The following MSI2 variants were observed in gnomAD, a reference collection of about 807,000 sequenced individuals.
The protein encoded by MSI2 is RNA-binding protein Musashi homolog 2.
A neutral mutation model predicts 45.6 loss-of-function variants in MSI2; 17 were observed. The observed-to-expected ratio is 0.37, with a 90% CI of 0.26 to 0.56. MSI2 has a LOEUF of 0.56. Among genes scored for constraint, MSI2 ranks in the 20% least tolerant of loss-of-function variants. MSI2 has a pLI of 0.77. For missense variants in MSI2, 293 were observed against 444.2 expected (o/e 0.66, Z 3.06); for synonymous variants, 156 against 158.2 (o/e 0.99, Z 0.11).
intron 11 of MSI2, among the ~76,000 whole-genome samples, chr17:57,663,779 C>A (rs1912178225): frequency 6.6e-6 from 1 of 152,256 alleles, no homozygotes; most frequent in East Asian, 1.9e-4. Context: ...ATGGAGGTAG[C>A]CCCCAAGACT....
chr17:57,375,356 T>C (rs965509175), intron 5 of MSI2, among the ~76,000 whole-genome samples: 5 of 152,192 alleles, frequency 3.3e-5, no homozygotes, highest in African/African-American at 1.2e-4. Context: ...CTTTGTGGTA[T>C]AGAGCCAGGA....
the MSI2 span, among the ~76,000 whole-genome samples, chr17:57,690,922 C>A: frequency 6.6e-6 from 1 of 152,114 alleles, no homozygotes; most frequent in Admixed American, 6.5e-5. Flanking sequence ...ATTTTGCATG[C>A]GACCTAAGTC....
intron 11 of MSI2, among the ~76,000 whole-genome samples, chr17:57,668,774 C>T (rs1001202980): frequency 3.3e-5 from 5 of 152,216 alleles, no homozygotes; most frequent in Non-Finnish European, 7.3e-5. Flanking sequence ...CATCACATTG[C>T]TCTCTTAATC....
At chr17:57,573,990 T>G (rs533912538) in intron 7 of MSI2, among the ~76,000 whole-genome samples, 1 of 152,216 alleles carries the variant, frequency 6.6e-6, no homozygotes, top group African/African-American at 2.4e-5. Context: ...GACAACCTAA[T>G]AAGAAGGAAA....
chr17:57,665,433 T>C (rs1425046810), intron 11 of MSI2, among the ~76,000 whole-genome samples: 3 of 152,180 alleles, frequency 2.0e-5, no homozygotes, highest in Non-Finnish European at 4.4e-5. Context: ...GGCTAATTAG[T>C]GACATGTATG....
intron 6 of MSI2, among the ~76,000 whole-genome samples, chr17:57,469,949 G>A (rs574360342): frequency 6.6e-6 from 1 of 152,338 alleles, no homozygotes; most frequent in South Asian, 2.1e-4. Flanking sequence ...GTGGACCCCT[G>A]ATGATGCCAT....
At chr17:57,379,483 T>C (rs79908678) in intron 5 of MSI2, among the ~76,000 whole-genome samples, 1 of 144,194 alleles carries the variant, frequency 6.9e-6, no homozygotes, top group Non-Finnish European at 1.5e-5. Flanking sequence ...TCTTTCTTCT[T>C]TTTTTTTTTT....
intron 5 of MSI2, among the ~76,000 whole-genome samples, chr17:57,365,208 C>A (rs1917107580): frequency 6.6e-6 from 1 of 152,180 alleles, no homozygotes; most frequent in Non-Finnish European, 1.5e-5. Flanking sequence ...CTTCATTTTG[C>A]AGATGAGAAA....
intron 5 of MSI2, among the ~76,000 whole-genome samples, chr17:57,334,646 T>G (rs954210189): frequency 2.0e-5 from 3 of 151,866 alleles, no homozygotes; most frequent in Non-Finnish European, 2.9e-5. Context: ...ATACAAAAAT[T>G]AGCCGGGCAT....
intron 5 of MSI2, among the ~76,000 whole-genome samples, chr17:57,386,997 C>CA (rs2083697807): frequency 6.6e-6 from 1 of 152,172 alleles, no homozygotes; most frequent in Admixed American, 6.5e-5. Flanking sequence ...GAGAGAGCCA[C>CA]ACGCCATTTG....
intron 7 of MSI2, among the ~76,000 whole-genome samples, chr17:57,580,504 T>C (rs2088172365): frequency 6.6e-6 from 1 of 152,210 alleles, no homozygotes; most frequent in Non-Finnish European, 1.5e-5. Context: ...CTGTGGCTCT[T>C]CCAGTCCTGG....
chr17:57,534,304 C>G lies in MSI2; in HGVS notation c.454+4580C>G, dbSNP rs140301907. Among the ~76,000 whole-genome samples the G allele has an allele frequency of 1.2e-3, 179 of 152,376 alleles. 2 individuals carry two copies. Among genetic ancestry groups the G allele is most frequent in the Admixed American group, 4.5e-3 (69 of 15,310 alleles). Reference sequence around the variant, plus strand: ...ATTTTCTGTCCTTCTCCACAACAGCCTTCTTGCTGGATGACCGTGCTCCTC... The same window carrying G: ...ATTTTCTGTCCTTCTCCACAACAGCGTTCTTGCTGGATGACCGTGCTCCTC... On this transcript the variant is annotated intron_variant, in intron 7 of 13. Transcript: ENST00000284073.
At chr17:57,410,022 A>AAAAAAAAC (rs1226110048) in intron 6 of MSI2, among the ~76,000 whole-genome samples, 1 of 150,240 alleles carries the variant, frequency 6.7e-6, no homozygotes, top group Non-Finnish European at 1.5e-5. Flanking sequence ...AAAAAAAAAA[A>AAAAAAAAC]AAATGGGGAG....
intron 6 of MSI2, among the ~76,000 whole-genome samples, chr17:57,411,140 G>A (rs2143196096): frequency 6.6e-6 from 1 of 152,254 alleles, no homozygotes; most frequent in African/African-American, 2.4e-5. Context: ...AAGTAGCTAG[G>A]ACTACAGGCA....
chr17:57,581,587 C>A (rs1221960352), intron 7 of MSI2, among the ~76,000 whole-genome samples: 2 of 152,112 alleles, frequency 1.3e-5, no homozygotes, highest in Admixed American at 1.3e-4. Context: ...GAAAAAGAGA[C>A]CTTGAGTCGC....
chr17:57,330,070 G>A (rs148979828), intron 5 of MSI2, among the ~76,000 whole-genome samples: 72 of 152,042 alleles, frequency 4.7e-4, no homozygotes, highest in African/African-American at 1.6e-3. Context: ...AATGACTTGC[G>A]AGGGCGGATG....
At chr17:57,437,144 A>C (rs371026233) in intron 6 of MSI2, among the ~76,000 whole-genome samples, 2 of 152,240 alleles carry the variant, frequency 1.3e-5, no homozygotes, top group South Asian at 4.1e-4. Context: ...ATTTCTTGGG[A>C]TTGCCTTTAT....
At chr17:57,342,416 G>A (rs1915248540) in intron 5 of MSI2, among the ~76,000 whole-genome samples, 1 of 152,188 alleles carries the variant, frequency 6.6e-6, no homozygotes. Context: ...AAGCCAGGGA[G>A]CACTGGAGGA....
At chr17:57,318,016 G>A (rs947629332) in intron 5 of MSI2, among the ~76,000 whole-genome samples, 1 of 152,150 alleles carries the variant, frequency 6.6e-6, no homozygotes, top group Non-Finnish European at 1.5e-5. Flanking sequence ...GGGAGTGGTA[G>A]CACACACTTG....
Sources: allele counts gnomAD v4.1 joint callset (sites outside exome capture counted in the v4.1 genomes callset), GRCh38; gene constraint gnomAD v4.1.1; transcripts MANE v1.5; gene names NCBI Gene and HGNC (gene_info 2026-07-23, HGNC 2026-07-21).